USP1: variants seen among roughly 807,000 people sequenced by gnomAD.
The protein encoded by USP1 is ubiquitin carboxyl-terminal hydrolase 1.
USP1 carries 18 observed loss-of-function variants against 72.2 expected under a neutral mutation model. The observed-to-expected ratio is 0.25, with a 90% CI of 0.17 to 0.37. The LOEUF (loss-of-function observed/expected upper bound fraction) is 0.37, where lower values mean the gene tolerates loss of function less well. Ranked by LOEUF, USP1 falls within the 10% of genes least tolerant of loss-of-function variation. The pLI is 1.00. For synonymous variants in USP1, 354 were observed against 303.7 expected, an observed-to-expected ratio of 1.17 and a Z score of -1.72; for missense variants, 759 against 884.9, an observed-to-expected ratio of 0.86 and a Z score of 1.81.
Position 62,444,975 on chromosome 1 carries a change from A to G in USP1, c.795A>G (p.Pro265=), listed in dbSNP as rs759371203. The change falls in exon 6 of 9, where the codon CCA becomes CCG. Residue 265 remains proline (P), a synonymous_variant. Transcript: ENST00000339950. ...CTGAAGACTTTAAAGAGAAACTCCC[A>G]AAAGGAAATGGGAAAAGAAAAAGTG... is the stretch of plus-strand genomic sequence containing the variant. ...RHSEDFKEKL[P]KGNGKRKSDT... 43 of 1,613,686 alleles carry G rather than the reference A, an allele frequency of 2.7e-5. No individual in the cohort carries two copies. The highest frequency in any genetic ancestry group is 3.3e-5 in the Non-Finnish European group (39 of 1,179,900).
chr1:62,437,300 C>G lies in USP1; in HGVS notation c.-170C>G. On this transcript the variant is annotated 5_prime_UTR_variant, in exon 1 of 9. Coordinates refer to ENST00000339950, the MANE Select transcript of USP1 (RefSeq NM_003368.5). ...GACCAGATTTTCCTGGGGCCGGGGA[C>G]CCGGCGGGCTCGGGGCAGGGACTCA... is the stretch of plus-strand genomic sequence containing the variant. 1 of 397,000 alleles carries G rather than the reference C, an allele frequency of 2.5e-6. No homozygotes were observed. Among genetic ancestry groups the G allele is most frequent in the Non-Finnish European group, 4.4e-6 (1 of 225,474 alleles). 24.6% of individuals were successfully genotyped at this position (397,000 alleles called of 1,614,324 possible).
Position 62,448,593 on chromosome 1 carries a change from C to T in USP1, c.1549C>T (p.Arg517Ter), listed in dbSNP as rs1645192651. ...ENCHHYTEAE[R>*]SLLFDKMPEV... ...CTGCCATCATTATACTGAAGCTGAA[C>T]GAAGTCTTTTGTTTGACAAAATGCC... The change falls in exon 8 of 9, where the codon CGA (arginine) becomes TGA (stop). Residue 517 changes from arginine (R) to a stop codon, truncating the protein, a stop_gained. Transcript: ENST00000339950. LOFTEE classifies it high-confidence loss of function. The T allele has an allele frequency of 6.2e-7, 1 of 1,613,676 alleles. No individual in the cohort carries two copies. The highest frequency in any genetic ancestry group is 8.5e-7 in the Non-Finnish European group (1 of 1,179,926).
At position 62,448,456 on chromosome 1, in the gene USP1, CTT is replaced by C. The variant is rs1273522859; in HGVS notation, c.1421-4_1421-3del. ...AGAAGTATTTGAGTGAAAGGATTCT[CTT>C]TTTTAGTTTCTCCAGAGCCAAAAAC... is the stretch of plus-strand genomic sequence containing the variant. On this transcript the variant is annotated splice_region_variant and splice_polypyrimidine_tract_variant and intron_variant, in intron 7 of 8. Coordinates refer to ENST00000339950, the MANE Select transcript of USP1 (RefSeq NM_003368.5). 1 of 1,612,068 alleles carries C rather than the reference CTT, an allele frequency of 6.2e-7. No homozygotes were observed. The highest frequency in any genetic ancestry group is 8.5e-7 in the Non-Finnish European group (1 of 1,179,124).
In USP1 at chr1:62,450,703, G is replaced by T. The variant is rs1227080414; in HGVS notation, c.2080G>T (p.Ala694Ser). 1 of 1,614,108 alleles carries T rather than the reference G, an allele frequency of 6.2e-7. No homozygotes were observed. The highest frequency in any genetic ancestry group is 2.2e-5 in the East Asian group (1 of 44,862). Residue 694 changes from alanine to serine, a missense_variant, in exon 9 of 9, where the codon GCG becomes TCG. Around this residue, in one of 9 missense-constraint regions of USP1, gnomAD observed 159 missense variants for 140.9 expected, o/e 1.13. Transcript: ENST00000339950. ...TAATCCTGATAAGGTTGCTAGTACAGCGTTTGCTGAAAATAGAAATTCTGA... is the reference window on the plus strand; with the variant it reads ...TAATCCTGATAAGGTTGCTAGTACATCGTTTGCTGAAAATAGAAATTCTGA... ...ASNPDKVAST[A>S]FAENRNSETS...
At chr1:62,450,186 T>C in intron 8 of USP1, 60 bp from the exon 9 acceptor site, 1 of 1,542,328 alleles carries the variant, frequency 6.5e-7, no homozygotes, top group Non-Finnish European at 8.7e-7. Flanking sequence ...CAGATTGGGG[T>C]ATAACATTTT....
Position 62,451,086 on chromosome 1 carries a change from A to G in USP1, c.*105A>G, listed in dbSNP as rs1645213765. ...AGCTTATCTTTTGAAGCTACTGGATATTATTGGTCTCTCTAGGTTTTTATA... is the reference window on the plus strand; with the variant it reads ...AGCTTATCTTTTGAAGCTACTGGATGTTATTGGTCTCTCTAGGTTTTTATA... On this transcript the variant is annotated 3_prime_UTR_variant, in exon 9 of 9. Coordinates refer to ENST00000339950, the MANE Select transcript of USP1 (RefSeq NM_003368.5). 2.6e-6 allele frequency: 3 copies of G among 1,160,306 alleles called. No homozygotes were observed. Among genetic ancestry groups the G allele is most frequent in the South Asian group, 3.4e-5 (2 of 58,632 alleles). 71.9% of individuals were successfully genotyped at this position (1,160,306 alleles called of 1,614,324 possible).
chr1:62,438,351 G>A (rs1645107134), intron 1 of USP1, among the ~76,000 whole-genome samples: 1 of 152,146 alleles, frequency 6.6e-6, no homozygotes, highest in African/African-American at 2.4e-5. Context: ...AGAAGACAGC[G>A]CTTCCTCAGA....
At position 62,445,078 on chromosome 1, in the gene USP1, A is replaced by C. The variant is rs1163664021; in HGVS notation, c.898A>C (p.Thr300Pro). Residue 300 changes from threonine to proline, a missense_variant, in exon 6 of 9, where the codon ACT becomes CCT. This residue lies in a region of USP1 where 245 missense variants were observed against 240.7 expected (regional missense o/e 1.02). Transcript: ENST00000339950. ...HQSLEENQRQ[T>P]RSKRKATSDT... ...GTCATTGGAAGAGAACCAGAGACAA[A>C]CTAGATCAAAAAGAAAAGCTACAAG... 1.2e-6 allele frequency: 2 copies of C among 1,611,766 alleles called. No individual in the cohort carries two copies. The highest frequency in any genetic ancestry group is 2.2e-5 in the South Asian group (2 of 90,332).
intron 1 of USP1, among the ~76,000 whole-genome samples, chr1:62,439,269 C>T (rs1033515759): frequency 5.9e-5 from 9 of 152,282 alleles, no homozygotes; most frequent in Non-Finnish European, 1.3e-4. Context: ...ACTGCAGCCT[C>T]CGCCTCCCGG....
At chr1:62,446,695 G>A (rs901142113) in intron 6 of USP1, among the ~76,000 whole-genome samples, 1 of 152,210 alleles carries the variant, frequency 6.6e-6, no homozygotes, top group Admixed American at 6.5e-5. Context: ...CAGGGAAAAT[G>A]TGTAATATTG....
At chr1:62,436,963 C>A (rs930448562), upstream of USP1, 1 of 396,220 alleles carries the variant, frequency 2.5e-6, no homozygotes, top group Admixed American at 4.4e-5. Flanking sequence ...AGCGTGGAGA[C>A]TGGAACCGGC....
chr1:62,440,881 C>T (rs1645130035), intron 2 of USP1, among the ~76,000 whole-genome samples: 1 of 151,938 alleles, frequency 6.6e-6, no homozygotes, highest in East Asian at 1.9e-4. Flanking sequence ...GAGATGGGGT[C>T]TCCTTGTGTT....
intron 4 of USP1, among the ~76,000 whole-genome samples, chr1:62,442,878 C>T (rs1347298509): frequency 6.6e-6 from 1 of 151,844 alleles, no homozygotes; most frequent in African/African-American, 2.4e-5. Context: ...TGGTGTGAGC[C>T]TGTAGTTCCA....
rs56381609 is a variant in USP1, at chr1:62,444,280, AG to A, written c.558-456del. Among the ~76,000 whole-genome samples, 505 of 64,318 alleles carry A rather than the reference AG, an allele frequency of 7.9e-3. 28 individuals are homozygous for A. Among genetic ancestry groups the A allele is most frequent in the African/African-American group, 0.031 (448 of 14,482 alleles). 42.2% of individuals were successfully genotyped at this position (64,318 alleles called of 152,430 possible). A position where few individuals can be genotyped will look rare whatever the true frequency, so the allele number is the denominator to read the frequency against. ...GTCTCCAAAAAAAAAAAAAAAAAAAAGGCCATTGTAGCGTGGTGGCCAAGAG... is the reference window on the plus strand; with the variant it reads ...GTCTCCAAAAAAAAAAAAAAAAAAAAGCCATTGTAGCGTGGTGGCCAAGAG... On this transcript the variant is annotated intron_variant, in intron 5 of 8. Transcript: ENST00000339950.
chr1:62,443,956 A>G (rs1377341922), intron 5 of USP1, among the ~76,000 whole-genome samples: 2 of 152,156 alleles, frequency 1.3e-5, no homozygotes, highest in Non-Finnish European at 2.9e-5. Flanking sequence ...ATATATTGCT[A>G]TACCTTAGTT....
Position 62,439,821 on chromosome 1 carries a change from T to C in USP1, c.-47T>C, listed in dbSNP as rs1437655119. ...CAGATATAATTGGTGATTACAACTT[T>C]CCTCTATAAATTAACTCTTGACACT... On this transcript the variant is annotated 5_prime_UTR_variant, in exon 2 of 9. Coordinates refer to ENST00000339950, the MANE Select transcript of USP1 (RefSeq NM_003368.5). The C allele has an allele frequency of 6.0e-6, 8 of 1,327,920 alleles. No homozygotes were observed. The highest frequency in any genetic ancestry group is 2.2e-4 in the Middle Eastern group (1 of 4,504). The allele number at this position is 1,327,920 out of a possible 1,614,324, so 82.3% of individuals were successfully genotyped here. A position where few individuals can be genotyped will look rare whatever the true frequency, so the allele number is the denominator to read the frequency against.
chr1:62,437,703 C>T (rs188130315), intron 1 of USP1, among the ~76,000 whole-genome samples: 206 of 152,356 alleles, frequency 1.4e-3, no homozygotes, highest in African/African-American at 4.0e-3. Flanking sequence ...GCTGCTCGTC[C>T]TTCCAGCTTT....
At chr1:62,446,534 T>C (rs1645175506) in intron 6 of USP1, among the ~76,000 whole-genome samples, 1 of 152,216 alleles carries the variant, frequency 6.6e-6, no homozygotes, top group Non-Finnish European at 1.5e-5. Flanking sequence ...AGCATAGATA[T>C]GTAAACATAG....
In USP1 at chr1:62,450,479, G is replaced by A. The variant is rs1645206755; in HGVS notation, c.1856G>A (p.Cys619Tyr). 1.9e-6 allele frequency: 3 copies of A among 1,613,986 alleles called. No individual in the cohort carries two copies. In the South Asian group the frequency reaches 3.3e-5, roughly 18 times the overall value. ...GGAAATTTTGTGGTTGACCAAATGTGTGAAATAGGTAAGCCAGAACCATTG... is the reference window on the plus strand; with the variant it reads ...GGAAATTTTGTGGTTGACCAAATGTATGAAATAGGTAAGCCAGAACCATTG... The part of the protein sequence containing the change: ...DKGNFVVDQM[C>Y]EIGKPEPLNE... The change falls in exon 9 of 9, where the codon TGT (cysteine) becomes TAT (tyrosine). Residue 619 changes from cysteine to tyrosine, a missense_variant. Cys to Tyr is a radical substitution (Grantham distance 194, BLOSUM62 -2). This residue lies in a region of USP1 where 159 missense variants were observed against 140.9 expected (regional missense o/e 1.13). Transcript: ENST00000339950.
Sources: allele counts gnomAD v4.1 joint callset (sites outside exome capture counted in the v4.1 genomes callset), GRCh38; gene constraint gnomAD v4.1.1; regional missense constraint gnomAD v4.1.1; transcripts MANE v1.5; gene names NCBI Gene and HGNC (gene_info 2026-07-23, HGNC 2026-07-21).